The following ADGRV1 variants were observed in gnomAD, a reference collection of about 807,000 sequenced individuals.
ADGRV1 encodes adhesion G protein-coupled receptor V1.
In ADGRV1, 359 loss-of-function variants were observed where a neutral mutation model predicts 596.2. The ratio of observed to expected loss-of-function variants is 0.60; its 90% confidence interval spans 0.55 to 0.66. The LOEUF is 0.66. Ranked by LOEUF, ADGRV1 falls within the 30% of genes least tolerant of loss-of-function variation. ADGRV1 has a pLI of 0.00. For missense variants in ADGRV1, 7,274 were observed against 7,575.6 expected (o/e 0.96, Z 1.48); for synonymous variants, 2,681 against 2,679.2 (o/e 1.00, Z -0.02).
chr5:90,667,793 G>T (rs1771699179), intron 21 of ADGRV1, among the ~76,000 whole-genome samples: 1 of 152,174 alleles, frequency 6.6e-6, no homozygotes, highest in Non-Finnish European at 1.5e-5. Flanking sequence ...TTTTTGGTGT[G>T]GATGTCCTTT....
chr5:90,809,111 C>T (rs1762188338), intron 73 of ADGRV1, among the ~76,000 whole-genome samples: 2 of 151,802 alleles, frequency 1.3e-5, no homozygotes, highest in Non-Finnish European at 2.9e-5. Flanking sequence ...CACCTGCCAC[C>T]GTGCCCTACT....
intron 85 of ADGRV1, among the ~76,000 whole-genome samples, chr5:91,011,968 G>A (rs990603521): frequency 5.3e-5 from 8 of 151,338 alleles, no homozygotes; most frequent in East Asian, 1.9e-4. Flanking sequence ...CTCTCTTCAC[G>A]GCCAATAAAA....
chr5:91,058,224 G>A (rs1027461367), intron 85 of ADGRV1, among the ~76,000 whole-genome samples: 14 of 152,268 alleles, frequency 9.2e-5, no homozygotes, highest in Middle Eastern at 3.4e-3. Context: ...CATGCTGGAG[G>A]GAGGGTGGCA....
chr5:90,825,494 A>G (rs564529956), intron 76 of ADGRV1, among the ~76,000 whole-genome samples: 1 of 152,304 alleles, frequency 6.6e-6, no homozygotes, highest in African/African-American at 2.4e-5. Context: ...ATGATTACTA[A>G]ATATTATATT....
intron 14 of ADGRV1, 92 bp from the exon 15 acceptor site, chr5:90,644,614 T>G: frequency 2.0e-6 from 2 of 988,796 alleles, no homozygotes. Context: ...GAGGTGTTGT[T>G]TTTATTTTTG....
At chr5:90,621,350 C>T (rs1169989902) in intron 4 of ADGRV1, among the ~76,000 whole-genome samples, 1 of 152,120 alleles carries the variant, frequency 6.6e-6, no homozygotes, top group Non-Finnish European at 1.5e-5. Flanking sequence ...CTTTATAGTG[C>T]AGTATCTTTG....
intron 9 of ADGRV1, among the ~76,000 whole-genome samples, chr5:90,632,099 G>C (rs1444828383): frequency 6.6e-6 from 1 of 152,074 alleles, no homozygotes; most frequent in Non-Finnish European, 1.5e-5. Context: ...TCAGGTTTCA[G>C]GGTTTCAGAA....
In ADGRV1 at chr5:90,643,963, A is replaced by G. The variant is rs1463001836; in HGVS notation, c.2714A>G (p.Lys905Arg). 8 of 1,605,726 alleles carry G rather than the reference A, an allele frequency of 5.0e-6. No individual in the cohort carries two copies. The highest frequency in any genetic ancestry group is 1.1e-5 in the South Asian group (1 of 90,262). ...CTAATTGTGATGATAAATGAAAGCA[A>G]AGGAGATGCTATCTATAGTGGTAAT... The part of the protein sequence containing the change: ...DGLIVMINES[K>R]GDAIYSAVYD... Residue 905 changes from lysine (K) to arginine (R), a missense_variant, in exon 14 of 90, where the codon AAA becomes AGA. By Grantham distance (26) the Lys-to-Arg change is conservative. Coordinates refer to ENST00000405460, the MANE Select transcript of ADGRV1 (RefSeq NM_032119.4).
Position 90,858,706 on chromosome 5 carries a change from A to G in ADGRV1, c.17755+2805A>G, listed in dbSNP as rs574779685. Among the ~76,000 whole-genome samples the G allele has an allele frequency of 1.1e-3, 171 of 152,318 alleles. 2 individuals carry two copies. The highest frequency in any genetic ancestry group is 4.0e-3 in the African/African-American group (165 of 41,578). On this transcript the variant is annotated intron_variant, in intron 82 of 89. Transcript: ENST00000405460. ...ACAAGTAACAGATGATGACTCAAAG[A>G]TATCTTAAACAAATATATTTAGTTC...
chr5:90,791,354 G>A lies in ADGRV1; in HGVS notation c.14517+8G>A. The A allele has an allele frequency of 6.5e-7, 1 of 1,532,248 alleles. No homozygotes were observed. The highest frequency in any genetic ancestry group is 1.2e-5 in the South Asian group (1 of 81,216). The allele number at this position is 1,532,248 out of a possible 1,614,324, so 94.9% of individuals were successfully genotyped here. A position where few individuals can be genotyped will look rare whatever the true frequency, so the allele number is the denominator to read the frequency against. On this transcript the variant is annotated splice_region_variant and intron_variant, in intron 70 of 89. Coordinates refer to ENST00000405460, the MANE Select transcript of ADGRV1 (RefSeq NM_032119.4). ...GTGCCAATAAAGAATCAGGTTTGTG[G>A]CATTTCTTCAGTTTCCTGATCATTC... is the stretch of plus-strand genomic sequence containing the variant.
chr5:90,964,265 T>G (rs889669624), intron 83 of ADGRV1, among the ~76,000 whole-genome samples: 5 of 152,198 alleles, frequency 3.3e-5, no homozygotes, highest in Non-Finnish European at 7.3e-5. Context: ...TGTTTTCTTT[T>G]TAAAAGTTAA....
chr5:90,925,571 C>A (rs1474795374), intron 83 of ADGRV1, among the ~76,000 whole-genome samples: 1 of 152,050 alleles, frequency 6.6e-6, no homozygotes, highest in Non-Finnish European at 1.5e-5. Context: ...GTCATGTCGT[C>A]TGCAAACAGG....
rs146844063 is a variant in ADGRV1, at chr5:90,847,805, G to A, written c.17020-832G>A. On this transcript the variant is annotated intron_variant, in intron 78 of 89. Coordinates refer to ENST00000405460, the MANE Select transcript of ADGRV1 (RefSeq NM_032119.4). ...GAGCCCACGCCCACCCGGAACTCGC[G>A]CTGGCCCTGGTTCCCGCCCTGGTTC... 1.8e-4 allele frequency among the ~76,000 whole-genome samples: 27 copies of A among 152,278 alleles called. 1 individual carries two copies. In the East Asian group the frequency reaches 2.1e-3, roughly 12 times the overall value.
chr5:90,900,391 TG>T (rs1363957230), intron 83 of ADGRV1, among the ~76,000 whole-genome samples: 4 of 151,974 alleles, frequency 2.6e-5, no homozygotes, highest in African/African-American at 9.7e-5. Flanking sequence ...AATATAGGTT[TG>T]TATATCAAAA....
chr5:91,087,004 C>G (rs1279169693), intron 86 of ADGRV1, among the ~76,000 whole-genome samples: 1 of 152,162 alleles, frequency 6.6e-6, no homozygotes. Flanking sequence ...CCAAAAGGAA[C>G]AACTTACAGT....
intron 1 of ADGRV1, among the ~76,000 whole-genome samples, chr5:90,596,850 A>T (rs1760739624): frequency 6.6e-6 from 1 of 152,072 alleles, no homozygotes; most frequent in East Asian, 1.9e-4. Context: ...AGGGAGAGCG[A>T]GAGGGAGAGG....
chr5:91,029,663 T>C (rs1784320486), intron 85 of ADGRV1, among the ~76,000 whole-genome samples: 1 of 152,182 alleles, frequency 6.6e-6, no homozygotes, highest in African/African-American at 2.4e-5. Flanking sequence ...CCAACAATTT[T>C]TTGTAATCGG....
rs62375062 is a variant in ADGRV1 at position 90,561,696 on chromosome 5, C to G, written c.22+2779C>G. Among the ~76,000 whole-genome samples the G allele has an allele frequency of 9.1e-4, 138 of 152,274 alleles. 2 individuals carry two copies. Among genetic ancestry groups the G allele is most frequent in the Non-Finnish European group, 1.0e-3 (70 of 68,016 alleles). ...TTATTTTATGCACCAGGTCTGAAAT[C>G]TACACAGTGGAAGCACAATGCCATC... On this transcript the variant is annotated intron_variant, in intron 1 of 89. Coordinates refer to ENST00000405460, the MANE Select transcript of ADGRV1 (RefSeq NM_032119.4).
chr5:91,005,362 G>A (rs1323185307), intron 85 of ADGRV1, among the ~76,000 whole-genome samples: 1 of 146,956 alleles, frequency 6.8e-6, no homozygotes, highest in African/African-American at 2.6e-5. Context: ...TGCTATTGCT[G>A]TGTATATATA....
Sources: gnomAD v4.1 joint callset for allele counts (sites outside exome capture counted in the v4.1 genomes callset) on GRCh38, gnomAD v4.1.1 for gene constraint, MANE v1.5 for transcripts, NCBI Gene and HGNC (gene_info 2026-07-23, HGNC 2026-07-21) for gene names.